Variants in UNG observed in about 807,000 individuals in gnomAD.
UNG encodes uracil DNA glycosylase, also known as uracil-DNA glycosylase.
In UNG, 34 loss-of-function variants were observed where a neutral mutation model predicts 36.5. The observed-to-expected ratio is 0.93, with a 90% CI of 0.71 to 1.24. The LOEUF is 1.24. Among genes scored for constraint, UNG ranks in the 50% most tolerant of loss-of-function variants. The pLI is 0.00. For synonymous variants in UNG, 172 were observed against 157.8 expected (o/e 1.09, Z -0.67); for missense variants, 391 against 397.6 (o/e 0.98, Z 0.14).
intron 2 of UNG, among the ~76,000 whole-genome samples, chr12:109,098,964 A>G (rs2042156147): frequency 6.6e-6 from 1 of 152,218 alleles, no homozygotes; most frequent in East Asian, 1.9e-4. Flanking sequence ...GAGGAGTGGC[A>G]CTGTCAGGAC....
At chr12:109,109,766 A>C in intron 6 of UNG, 63 bp from the exon 7 acceptor site, 1 of 1,453,402 alleles carries the variant, frequency 6.9e-7, no homozygotes, top group Non-Finnish European at 9.3e-7. Context: ...TCTGTCTCAA[A>C]AAAAAAAAAA....
At chr12:109,104,623 A>T (rs938364896) in intron 6 of UNG, among the ~76,000 whole-genome samples, 2 of 152,046 alleles carry the variant, frequency 1.3e-5, no homozygotes, top group Non-Finnish European at 2.9e-5. Flanking sequence ...AGTCACCATC[A>T]TCTTTCTCCA....
Position 109,108,701 on chromosome 12 carries a change from GC to G in UNG, c.802-1127del, listed in dbSNP as rs1375951603. Among the ~76,000 whole-genome samples the G allele has an allele frequency of 7.2e-5, 11 of 152,264 alleles. 1 individual carries two copies. Among genetic ancestry groups the G allele is most frequent in the Admixed American group, 5.2e-4 (8 of 15,306 alleles). On this transcript the variant is annotated intron_variant, in intron 6 of 6. Transcript: ENST00000242576. ...GCTGGAGTGCAGTGGCACAATTATAGCTTTTTGCAGCCTCGAACTCCTGGGC... is the reference window on the plus strand; with the variant it reads ...GCTGGAGTGCAGTGGCACAATTATAGTTTTTGCAGCCTCGAACTCCTGGGC...
rs2042253220 is a variant in UNG, at chr12:109,110,534, T to A, written c.*565T>A. The A allele has an allele frequency of 6.1e-6, 1 of 164,796 alleles. No homozygotes were observed. The highest frequency in any genetic ancestry group is 1.3e-5 in the Non-Finnish European group (1 of 74,638). The allele number at this position is 164,796 out of a possible 1,614,324, so 10.2% of individuals were successfully genotyped here. A position where few individuals can be genotyped will look rare whatever the true frequency, so the allele number is the denominator to read the frequency against. On this transcript the variant is annotated 3_prime_UTR_variant, in exon 7 of 7. Coordinates refer to ENST00000242576, the MANE Select transcript of UNG (RefSeq NM_080911.3). The stretch of plus-strand genomic sequence containing the variant: ...CAGAAATTAGGGCTCAATTTCCTGA[T>A]TGTAGTAGAGGTTAAGATTGCTGTG...
At chr12:109,100,839 T>TA (rs1372669489) in intron 3 of UNG, among the ~76,000 whole-genome samples, 3 of 152,158 alleles carry the variant, frequency 2.0e-5, no homozygotes, top group African/African-American at 7.2e-5. Context: ...TTCTGAAAGA[T>TA]AGAGTATGTC....
intron 6 of UNG, among the ~76,000 whole-genome samples, chr12:109,108,273 G>A (rs146400570): frequency 1.4e-3 from 211 of 152,060 alleles, no homozygotes; most frequent in African/African-American, 4.8e-3. Flanking sequence ...GATTTTTTTC[G>A]ACTTTACAAT....
intron 3 of UNG, 61 bp from the exon 4 acceptor site, chr12:109,101,841 G>T: frequency 7.1e-7 from 1 of 1,401,790 alleles, no homozygotes; most frequent in Non-Finnish European, 1.0e-6. Flanking sequence ...TTTGTTTGAG[G>T]CAGGGTCTGT....
Position 109,098,524 on chromosome 12 carries a change from G to A in UNG, c.225G>A (p.Gln75=). 2 of 1,613,068 alleles carry A rather than the reference G, an allele frequency of 1.2e-6. No homozygotes were observed. Among genetic ancestry groups the A allele is most frequent in the Non-Finnish European group, 1.7e-6 (2 of 1,179,944 alleles). Residue 75 remains glutamine, a synonymous_variant, in exon 2 of 7, where the codon CAG becomes CAA. Coordinates refer to ENST00000242576, the MANE Select transcript of UNG (RefSeq NM_080911.3). ...PLSAEQLDRI[Q]RNKAAALLRL... Reference sequence around the variant, plus strand: ...GTGCCGAGCAGTTGGACCGGATCCAGAGGAACAAGGCCGCGGCCCTGCTCA... The same window carrying A: ...GTGCCGAGCAGTTGGACCGGATCCAAAGGAACAAGGCCGCGGCCCTGCTCA...
At chr12:109,106,892 C>CATATATATATACGTGT (rs1593324300) in intron 6 of UNG, among the ~76,000 whole-genome samples, 4 of 8,692 alleles carry the variant, frequency 4.6e-4, no homozygotes, top group African/African-American at 3.8e-3. Context: ...TATATATACA[C>CATATATATATACGTGT]ATATATATAT....
At chr12:109,101,026 T>G (rs1160297503) in intron 3 of UNG, among the ~76,000 whole-genome samples, 1 of 148,726 alleles carries the variant, frequency 6.7e-6, no homozygotes, top group Non-Finnish European at 1.5e-5. Flanking sequence ...TGATCTGACC[T>G]CATTCTCTTC....
In UNG at chr12:109,103,420, C is replaced by G. The variant is rs771114424; in HGVS notation, c.623-13C>G. 1.2e-6 allele frequency: 2 copies of G among 1,613,712 alleles called. No individual in the cohort carries two copies. Among genetic ancestry groups the G allele is most frequent in the Non-Finnish European group, 8.5e-7 (1 of 1,179,702 alleles). On this transcript the variant is annotated splice_polypyrimidine_tract_variant and intron_variant, in intron 5 of 6. Coordinates refer to ENST00000242576, the MANE Select transcript of UNG (RefSeq NM_080911.3). The stretch of plus-strand genomic sequence containing the variant: ...CTGAGCCTACATTTAACCTGTTTCT[C>G]TCATGTGTATAGGTGTTCTCCTTCT...
chr12:109,098,131 G>A, intron 1 of UNG: 2 of 1,386,456 alleles, frequency 1.4e-6, no homozygotes, highest in Non-Finnish European at 1.9e-6. Flanking sequence ...AGACCACGTG[G>A]GGACGCGGTG....
intron 3 of UNG, among the ~76,000 whole-genome samples, chr12:109,099,772 A>G (rs2042163407): frequency 6.6e-6 from 1 of 152,090 alleles, no homozygotes; most frequent in Non-Finnish European, 1.5e-5. Context: ...GCTCTCATCC[A>G]TCTTGTGTTC....
rs373668102 is a variant in UNG at position 109,097,744 on chromosome 12, C to T, written c.65C>T (p.Pro22Leu). The change falls in exon 1 of 7, where the codon CCC becomes CTC. Residue 22 changes from proline to leucine, a missense_variant. Coordinates refer to ENST00000242576, the MANE Select transcript of UNG (RefSeq NM_080911.3). ...SPSPARKRHA[P>L]SPEPAVQGTG... The stretch of plus-strand genomic sequence containing the variant: ...AGCCCCGCCAGGAAGCGACACGCCC[C>T]CAGCCCCGAGCCGGCCGTCCAGGGG... The T allele has an allele frequency of 3.8e-5, 60 of 1,579,058 alleles. 1 individual carries two copies. Among genetic ancestry groups the T allele is most frequent in the Non-Finnish European group, 5.0e-5 (58 of 1,162,794 alleles).
intron 3 of UNG, among the ~76,000 whole-genome samples, chr12:109,101,642 C>T (rs1036497824): frequency 3.3e-5 from 5 of 152,018 alleles, no homozygotes; most frequent in African/African-American, 9.7e-5. Context: ...CCCAGGAGGG[C>T]GAGGCTGCCA....
In UNG at chr12:109,099,302, A is replaced by G. The variant is rs758726344; in HGVS notation, c.435+18A>G. The G allele has an allele frequency of 1.2e-6, 2 of 1,601,560 alleles. No homozygotes were observed. ...TAAAAGATGTAAGTACAACTTGTTGATAATTTTTATTGGGGAGAAGGAGTC... is the reference window on the plus strand; with the variant it reads ...TAAAAGATGTAAGTACAACTTGTTGGTAATTTTTATTGGGGAGAAGGAGTC... On this transcript the variant is annotated intron_variant, in intron 3 of 6. Transcript: ENST00000242576.
rs147460908 is a variant in UNG at position 109,109,839 on chromosome 12, A to G, written c.812A>G (p.His271Arg). 26 of 1,613,698 alleles carry G rather than the reference A, an allele frequency of 1.6e-5. No homozygotes were observed. Among genetic ancestry groups the G allele is most frequent in the Non-Finnish European group, 1.9e-5 (23 of 1,179,978 alleles). Residue 271 changes from histidine to arginine, a missense_variant, in exon 7 of 7, where the codon CAT becomes CGT. By Grantham distance (29) the His-to-Arg change is conservative. Transcript: ENST00000242576. ...KGSAIDRKRH[H>R]VLQTAHPSPL... ...CTTGATCTTTTTCAGAAGCGGCACC[A>G]TGTACTACAGACGGCTCATCCCTCC...
intron 3 of UNG, among the ~76,000 whole-genome samples, chr12:109,100,914 G>A (rs1302032273): frequency 6.6e-6 from 1 of 152,054 alleles, no homozygotes. Context: ...AGGTGGGTGG[G>A]CCCTGGATGG....
At chr12:109,106,905 GTATATATATA>G (rs377199226) in intron 6 of UNG, among the ~76,000 whole-genome samples, 1 of 44,748 alleles carries the variant, frequency 2.2e-5, no homozygotes, top group Admixed American at 2.4e-4. Flanking sequence ...ATATATATAC[GTATATATATA>G]TGTGTATATA....
Sources: allele counts gnomAD v4.1 joint callset (sites outside exome capture counted in the v4.1 genomes callset), GRCh38; gene constraint gnomAD v4.1.1; transcripts MANE v1.5; gene names NCBI Gene and HGNC (gene_info 2026-07-23, HGNC 2026-07-21).